The following LRRC8C variants were observed in gnomAD, a reference collection of about 807,000 sequenced individuals.
LRRC8C encodes volume-regulated anion channel subunit LRRC8C.
A neutral mutation model predicts 55.3 loss-of-function variants in LRRC8C; 20 were observed. The ratio of observed to expected loss-of-function variants is 0.36; its 90% CI spans 0.25 to 0.53. The LOEUF (loss-of-function observed/expected upper bound fraction) is 0.53. Among genes scored for constraint, LRRC8C ranks in the 20% least tolerant of loss-of-function variants. The pLI, the probability that LRRC8C is intolerant of heterozygous loss-of-function variation, is 0.92. For synonymous variants in LRRC8C, 376 were observed against 360.7 expected (o/e 1.04, Z -0.48); for missense variants, 659 against 951.4 (o/e 0.69, Z 4.04).
intron 2 of LRRC8C, among the ~76,000 whole-genome samples, chr1:89,709,141 G>A (rs965151338): frequency 1.3e-5 from 2 of 152,228 alleles, no homozygotes; most frequent in East Asian, 1.9e-4. Flanking sequence ...CTCCTACGCT[G>A]GGCTGTTCTC....
the LRRC8C span, among the ~76,000 whole-genome samples, chr1:89,618,640 G>A: frequency 1.3e-5 from 2 of 152,186 alleles, no homozygotes; most frequent in Non-Finnish European, 2.9e-5. Flanking sequence ...AAAGGAAGGG[G>A]TTGAGAGATA....
At chr1:89,679,559 A>C (rs113384108) in intron 1 of LRRC8C, among the ~76,000 whole-genome samples, 14 of 152,194 alleles carry the variant, frequency 9.2e-5, no homozygotes, top group African/African-American at 3.4e-4. Flanking sequence ...GTCTCCAAAA[A>C]AACAACAAAA....
At position 89,683,266 on chromosome 1, in the gene LRRC8C, A is replaced by G. The variant is rs539044578; in HGVS notation, c.-4-3204A>G. ...TGATCCAATGTTTTCCAAATTACCA[A>G]TGCATGATGTTACAAAATCATGCGT... is the stretch of plus-strand genomic sequence containing the variant. On this transcript the variant is annotated intron_variant, in intron 1 of 2. Transcript: ENST00000370454. Among the ~76,000 whole-genome samples the G allele has an allele frequency of 2.6e-5, 4 of 152,318 alleles. No homozygotes were observed. The East Asian group carries it at 5.8e-4, about 22-fold the overall frequency.
intron 1 of LRRC8C, among the ~76,000 whole-genome samples, chr1:89,658,846 A>G (rs977256754): frequency 2.0e-5 from 3 of 152,212 alleles, no homozygotes; most frequent in Non-Finnish European, 4.4e-5. Flanking sequence ...TTTAAAGTTT[A>G]TAAGCGCCTG....
intron 1 of LRRC8C, among the ~76,000 whole-genome samples, chr1:89,668,561 A>G (rs1374832884): frequency 1.3e-5 from 2 of 152,188 alleles, no homozygotes; most frequent in Non-Finnish European, 2.9e-5. Context: ...ATTTCCAAAT[A>G]GGTCCTTTTG....
At chr1:89,668,293 G>A (rs1657325121) in intron 1 of LRRC8C, 2 of 152,506 alleles carry the variant, frequency 1.3e-5, no homozygotes, top group Non-Finnish European at 2.9e-5. Flanking sequence ...CAAGGATTTA[G>A]CATCAAATGA....
At position 89,713,075 on chromosome 1, in the gene LRRC8C, C is replaced by T. The variant is rs755647362; in HGVS notation, c.505C>T (p.Pro169Ser). The T allele has an allele frequency of 6.2e-7, 1 of 1,614,194 alleles. No individual in the cohort carries two copies. The highest frequency in any genetic ancestry group is 1.7e-5 in the Admixed American group (1 of 60,026). ...CATTCTGGGGAAGTGTTTTGACTCT[C>T]CTTGGACCACACGGGCTTTATCTGA... Reference protein sequence around the residue: ...ISILGKCFDSPWTTRALSEVS... With the variant: ...ISILGKCFDSSWTTRALSEVS... The change falls in exon 3 of 3, where the codon CCT becomes TCT. Residue 169 changes from proline to serine, a missense_variant. Coordinates refer to ENST00000370454, the MANE Select transcript of LRRC8C (RefSeq NM_032270.5). The surrounding 1 kb of genome is among the most constrained non-coding windows in gnomAD (Gnocchi z 5.2).
At chr1:89,627,757 C>A in the LRRC8C span, among the ~76,000 whole-genome samples, 1 of 152,152 alleles carries the variant, frequency 6.6e-6, no homozygotes, top group Non-Finnish European at 1.5e-5. Flanking sequence ...CAATGGGCCT[C>A]TGTTTTCTCA....
chr1:89,714,401 C>T lies in LRRC8C; in HGVS notation c.1831C>T (p.Leu611=). 2 of 1,614,064 alleles carry T rather than the reference C, an allele frequency of 1.2e-6. No individual in the cohort carries two copies. Among genetic ancestry groups the T allele is most frequent in the South Asian group, 2.2e-5 (2 of 91,058 alleles). Residue 611 remains leucine (L), a synonymous_variant, in exon 3 of 3, where the codon CTA becomes TTA. Coordinates refer to ENST00000370454, the MANE Select transcript of LRRC8C (RefSeq NM_032270.5). This position sits in a 1 kb window ranked among gnomAD's most constrained non-coding sequence, Gnocchi z 4.6. Reference sequence around the variant, plus strand: ...GCGTATTCCTCATGCTGTGTTCAGCCTACTCAGCCTCCAGGAATTGGACCT... The same window carrying T: ...GCGTATTCCTCATGCTGTGTTCAGCTTACTCAGCCTCCAGGAATTGGACCT... ...LERIPHAVFS[L]LSLQELDLKE...
chr1:89,655,726 A>G (rs1167692428), intron 1 of LRRC8C, among the ~76,000 whole-genome samples: 1 of 152,216 alleles, frequency 6.6e-6, no homozygotes, highest in Non-Finnish European at 1.5e-5. Flanking sequence ...TAATGCATGC[A>G]TGAGGGCAGA....
At chr1:89,695,555 T>C (rs1055447939) in intron 2 of LRRC8C, among the ~76,000 whole-genome samples, 2 of 152,232 alleles carry the variant, frequency 1.3e-5, no homozygotes, top group Non-Finnish European at 2.9e-5. Flanking sequence ...TATTCACTTG[T>C]AGAACACTTG....
chr1:89,668,920 A>G (rs1657342211), intron 1 of LRRC8C, among the ~76,000 whole-genome samples: 1 of 152,126 alleles, frequency 6.6e-6, no homozygotes, highest in Non-Finnish European at 1.5e-5. Flanking sequence ...TTCTGTTTTT[A>G]TAAATAATTC....
intron 2 of LRRC8C, among the ~76,000 whole-genome samples, chr1:89,698,752 T>C (rs6664450): frequency 0.05 from 7,608 of 152,150 alleles, 619 homozygotes; most frequent in African/African-American, 0.17. Flanking sequence ...TTTCCCTTTC[T>C]TATTGCTGTT....
At chr1:89,630,029 G>A (rs990404031), upstream of LRRC8C, among the ~76,000 whole-genome samples, 1 of 152,176 alleles carries the variant, frequency 6.6e-6, no homozygotes, top group African/African-American at 2.4e-5. Context: ...AATTAGCTGG[G>A]CGTGGTGGCG....
intron 1 of LRRC8C, among the ~76,000 whole-genome samples, chr1:89,646,803 A>T (rs1396189047): frequency 6.6e-6 from 1 of 152,164 alleles, no homozygotes; most frequent in East Asian, 1.9e-4. Context: ...AAGTAGAACT[A>T]CTTTTCTTTA....
chr1:89,632,191 G>A (rs1392772140), upstream of LRRC8C: 2 of 152,202 alleles, frequency 1.3e-5, no homozygotes, highest in Admixed American at 1.3e-4. Context: ...CTTTCAAGAC[G>A]TCAGAGTGCT....
intron 2 of LRRC8C, among the ~76,000 whole-genome samples, chr1:89,689,103 G>T (rs926659814): frequency 1.5e-4 from 23 of 152,322 alleles, no homozygotes; most frequent in African/African-American, 4.8e-4. Flanking sequence ...GGCTGATGTT[G>T]CCTTGCTGGT....
At chr1:89,665,656 A>T (rs1657239404) in intron 1 of LRRC8C, among the ~76,000 whole-genome samples, 1 of 152,228 alleles carries the variant, frequency 6.6e-6, no homozygotes, top group South Asian at 2.1e-4. Context: ...TTTAAAAAGC[A>T]AAAAAGTTGC....
chr1:89,699,015 C>A (rs1213446237), intron 2 of LRRC8C, among the ~76,000 whole-genome samples: 2 of 151,462 alleles, frequency 1.3e-5, no homozygotes, highest in Admixed American at 6.6e-5. Flanking sequence ...GAGAGATGAT[C>A]CAAACAATGG....
Sources: gnomAD v4.1 joint callset for allele counts (sites outside exome capture counted in the v4.1 genomes callset) on GRCh38, gnomAD v4.1.1 for gene constraint, Gnocchi (gnomAD v3.1) non-coding constraint, MANE v1.5 for transcripts, NCBI Gene and HGNC (gene_info 2026-07-23, HGNC 2026-07-21) for gene names.